The following ABCC4 variants were observed in gnomAD, a reference collection of about 807,000 sequenced individuals.
ABCC4 encodes ATP binding cassette subfamily C member 4 (PEL blood group).
In ABCC4, 102 loss-of-function variants were observed where a neutral mutation model predicts 168.5. That is an observed-to-expected ratio of 0.61 (90% CI 0.52 to 0.71). The LOEUF is 0.71. Ranked by LOEUF, ABCC4 falls within the 30% of genes least tolerant of loss-of-function variation. The pLI, the probability that ABCC4 is intolerant of heterozygous loss-of-function variation, is 0.00. For missense variants in ABCC4, 1,402 were observed against 1,605.8 expected (o/e 0.87, Z 2.17); for synonymous variants, 617 against 590.7 (o/e 1.04, Z -0.65).
At chr13:95,178,342 T>C (rs1293682959) in intron 11 of ABCC4, among the ~76,000 whole-genome samples, 1 of 152,224 alleles carries the variant, frequency 6.6e-6, no homozygotes, top group African/African-American at 2.4e-5. Flanking sequence ...ACTGAGCCAT[T>C]TTAACAGAAA....
chr13:95,244,182 G>A (rs1434959528), intron 3 of ABCC4, among the ~76,000 whole-genome samples: 6 of 152,136 alleles, frequency 3.9e-5, no homozygotes, highest in Admixed American at 2.0e-4. Context: ...AGATGGTTAG[G>A]TCCCTAAGTC....
At chr13:95,044,167 C>A in intron 28 of ABCC4, 99 bp downstream of exon 28, 1 of 1,195,156 alleles carries the variant, frequency 8.4e-7, no homozygotes, top group African/African-American at 1.6e-5. Context: ...ATGTCTGGGG[C>A]AAACAGAGCA....
chr13:95,252,932 G>C lies in ABCC4; in HGVS notation c.75-5179C>G, dbSNP rs186253814. ...GAAGCCACAAAATAGTAAAGGACTAGAATTCTGGTGCCAGGAATTCAACAC... is the reference window on the plus strand; with the variant it reads ...GAAGCCACAAAATAGTAAAGGACTACAATTCTGGTGCCAGGAATTCAACAC... On this transcript the variant is annotated intron_variant, in intron 1 of 30. Transcript: ENST00000645237. Among the ~76,000 whole-genome samples the C allele has an allele frequency of 1.7e-3, 252 of 152,310 alleles. 1 individual carries two copies. The highest frequency in any genetic ancestry group is 5.9e-3 in the African/African-American group (245 of 41,564).
At chr13:95,163,319 G>A in intron 17 of ABCC4, 103 bp from the exon 18 acceptor site, 1 of 793,772 alleles carries the variant, frequency 1.3e-6, no homozygotes, top group Admixed American at 2.4e-5. Context: ...CTTCATGCTG[G>A]AAAATGATTC....
chr13:95,023,131 C>G (rs1380368602), intron 30 of ABCC4, among the ~76,000 whole-genome samples: 2 of 152,132 alleles, frequency 1.3e-5, no homozygotes, highest in Non-Finnish European at 2.9e-5. Flanking sequence ...GCCAAAAGAA[C>G]AAATAGACAT....
intron 20 of ABCC4, among the ~76,000 whole-genome samples, chr13:95,107,659 G>A (rs1458703875): frequency 2.6e-5 from 4 of 152,174 alleles, no homozygotes; most frequent in South Asian, 4.1e-4. Flanking sequence ...GGGCATGGTG[G>A]CTCACTCCTG....
In ABCC4 at chr13:95,241,077, C is replaced by T. The variant is rs183671536; in HGVS notation, c.306+5898G>A. 1.1e-3 allele frequency among the ~76,000 whole-genome samples: 170 copies of T among 152,018 alleles called. 2 individuals are homozygous for T. The highest frequency in any genetic ancestry group is 6.8e-3 in the Middle Eastern group (2 of 294). ...TAGAATTGAAGTTATTAAAAACCACCTCATTGGCCAGGCACGATGGCTCAT... is the reference window on the plus strand; with the variant it reads ...TAGAATTGAAGTTATTAAAAACCACTTCATTGGCCAGGCACGATGGCTCAT... On this transcript the variant is annotated intron_variant, in intron 3 of 30. Coordinates refer to ENST00000645237, the MANE Select transcript of ABCC4 (RefSeq NM_005845.5).
Position 95,115,917 on chromosome 13 carries a change from G to A in ABCC4, c.2535+5C>T, listed in dbSNP as rs757008496. ...TTGAGATCCTGACATTACTCTCAAC[G>A]TTACCTGGATGAAATCTAAAAACGT... On this transcript the variant is annotated splice_donor_5th_base_variant and intron_variant, in intron 20 of 30. Transcript: ENST00000645237. 4 of 1,608,486 alleles carry A rather than the reference G, an allele frequency of 2.5e-6. No individual in the cohort carries two copies. The highest frequency in any genetic ancestry group is 1.1e-5 in the South Asian group (1 of 90,302).
intron 27 of ABCC4, among the ~76,000 whole-genome samples, chr13:95,050,167 A>G (rs1475410284): frequency 6.6e-6 from 1 of 152,218 alleles, no homozygotes; most frequent in Non-Finnish European, 1.5e-5. Flanking sequence ...CTCTCAAGAT[A>G]AACACACACA....
intron 4 of ABCC4, among the ~76,000 whole-genome samples, chr13:95,219,041 G>A (rs577090493): frequency 6.6e-6 from 1 of 151,116 alleles, no homozygotes; most frequent in African/African-American, 2.4e-5. Context: ...GAAAAGAAAG[G>A]GAAAAAAAAC....
chr13:95,128,691 G>A (rs754347213), intron 19 of ABCC4, among the ~76,000 whole-genome samples: 4 of 152,132 alleles, frequency 2.6e-5, no homozygotes, highest in Non-Finnish European at 4.4e-5. Flanking sequence ...AGACGCAGAC[G>A]ATTAACCACC....
intron 21 of ABCC4, among the ~76,000 whole-genome samples, chr13:95,076,069 T>G (rs1751042): frequency 0.92 from 139,731 of 152,204 alleles, 64,315 homozygotes; most frequent in Non-Finnish European, 0.96. Flanking sequence ...GCACAGGACA[T>G]GTACTCAGTA....
intron 8 of ABCC4, among the ~76,000 whole-genome samples, chr13:95,199,891 C>T (rs905940159): frequency 2.6e-5 from 4 of 152,182 alleles, no homozygotes; most frequent in Admixed American, 2.6e-4. Flanking sequence ...CCTTCCCAAA[C>T]CCTTCCCCAT....
rs958336465 is a variant in ABCC4, at chr13:95,076,728, G to A, written c.2687-1177C>T. ...GATCTGCCCACCTCGGCCTCCCAAA[G>A]TGCTGGGATTACAAGTGTGAGCCAC... On this transcript the variant is annotated intron_variant, in intron 21 of 30. Transcript: ENST00000645237. Among the ~76,000 whole-genome samples, 20 of 152,230 alleles carry A rather than the reference G, an allele frequency of 1.3e-4. 1 individual carries two copies. The highest frequency in any genetic ancestry group is 1.3e-3 in the Admixed American group (20 of 15,294).
chr13:95,028,288 A>G (rs1449652502), intron 30 of ABCC4, among the ~76,000 whole-genome samples: 3 of 152,214 alleles, frequency 2.0e-5, no homozygotes, highest in Admixed American at 1.3e-4. Context: ...AAGTAGAACT[A>G]ATTAAACCTT....
intron 20 of ABCC4, among the ~76,000 whole-genome samples, chr13:95,091,231 T>C (rs2034423647): frequency 6.6e-6 from 1 of 152,090 alleles, no homozygotes; most frequent in Non-Finnish European, 1.5e-5. Context: ...TTTGGGCAAA[T>C]AATCGAGGAA....
Position 95,075,922 on chromosome 13 carries a change from T to TA in ABCC4, c.2687-372dup, listed in dbSNP as rs376398446. Among the ~76,000 whole-genome samples the TA allele has an allele frequency of 1.1e-4, 16 of 152,322 alleles. 1 individual carries two copies. Among genetic ancestry groups the TA allele is most frequent in the Admixed American group, 6.5e-4 (10 of 15,300 alleles). On this transcript the variant is annotated intron_variant, in intron 21 of 30. Coordinates refer to ENST00000645237, the MANE Select transcript of ABCC4 (RefSeq NM_005845.5). The stretch of plus-strand genomic sequence containing the variant: ...TCTGATTTTTGAGCCAGTAGGATTT[T>TA]AAAAAACAATTCTCTGTTAAGAGTA...
At chr13:95,186,951 C>T in intron 10 of ABCC4, 59 bp from the exon 11 acceptor site, 3 of 1,431,554 alleles carry the variant, frequency 2.1e-6, no homozygotes, top group Middle Eastern at 2.0e-4. Flanking sequence ...GAATAAGCCA[C>T]TGCAATGCAG....
chr13:95,147,731 C>A (rs1056274882), intron 19 of ABCC4, among the ~76,000 whole-genome samples: 5 of 152,128 alleles, frequency 3.3e-5, no homozygotes, highest in Non-Finnish European at 7.4e-5. Flanking sequence ...TGGAATAATT[C>A]CAATATTCCA....
Sources: allele counts gnomAD v4.1 joint callset (sites outside exome capture counted in the v4.1 genomes callset), GRCh38; gene constraint gnomAD v4.1.1; transcripts MANE v1.5; gene names NCBI Gene and HGNC (gene_info 2026-07-23, HGNC 2026-07-21).